RGS22: variants seen among roughly 807,000 people sequenced by gnomAD.
RGS22 encodes the protein regulator of G protein signaling 22, also known as regulator of G-protein signaling 22.
RGS22 carries 148 observed loss-of-function variants against 172.9 expected under a neutral mutation model. The observed-to-expected ratio is 0.86, with a 90% CI of 0.75 to 0.98. The LOEUF (loss-of-function observed/expected upper bound fraction) is 0.98, where lower values mean the gene tolerates loss of function less well. Ranked by LOEUF, RGS22 falls within the 50% of genes least tolerant of loss-of-function variation. RGS22 has a pLI of 0.00. For synonymous variants in RGS22, 458 were observed against 480.2 expected (o/e 0.95, Z 0.60); for missense variants, 1,347 against 1,440.8 (o/e 0.93, Z 1.05).
chr8:99,972,983 CAA>C (rs34427659), intron 23 of RGS22, among the ~76,000 whole-genome samples: 18 of 69,794 alleles, frequency 2.6e-4, no homozygotes, highest in African/African-American at 3.7e-4. Flanking sequence ...GACTCCATCT[CAA>C]AAAAAAAAAA....
intron 14 of RGS22, among the ~76,000 whole-genome samples, chr8:100,037,170 T>G (rs764191000): frequency 5.3e-4 from 80 of 152,234 alleles, no homozygotes; most frequent in Non-Finnish European, 1.0e-3. Context: ...TGGTGGTGCA[T>G]GCCTGTAATC....
rs142395292 is a variant in RGS22, at chr8:100,065,149, A to C, written c.724+1018T>G. ...AATTACCAGAGTTCAAATCTCAATG[A>C]ACTGGAAACATTTCATTACAATTTT... On this transcript the variant is annotated intron_variant, in intron 7 of 27. Coordinates refer to ENST00000360863, the MANE Select transcript of RGS22 (RefSeq NM_015668.5). Among the ~76,000 whole-genome samples, 14 of 152,332 alleles carry C rather than the reference A, an allele frequency of 9.2e-5. No individual in the cohort carries two copies. In the East Asian group the frequency reaches 2.7e-3, roughly 29 times the overall value.
chr8:100,030,457 A>G (rs530975044), intron 14 of RGS22, among the ~76,000 whole-genome samples: 3 of 152,348 alleles, frequency 2.0e-5, no homozygotes, highest in African/African-American at 7.2e-5. Flanking sequence ...AGGCATTGTT[A>G]TCACAGGAGA....
intron 15 of RGS22, among the ~76,000 whole-genome samples, 182 bp from the exon 16 acceptor site, chr8:100,006,291 T>G (rs1241539155): frequency 2.0e-5 from 3 of 152,192 alleles, no homozygotes; most frequent in Admixed American, 6.5e-5. Flanking sequence ...CAATAAAAAA[T>G]GCATACATTT....
At chr8:100,069,744 C>T (rs957015591) in intron 6 of RGS22, among the ~76,000 whole-genome samples, 1 of 152,108 alleles carries the variant, frequency 6.6e-6, no homozygotes, top group Non-Finnish European at 1.5e-5. Flanking sequence ...GTTCTTCAAC[C>T]TTGCCTTTGT....
Position 100,047,426 on chromosome 8 carries a change from G to A in RGS22, c.1823+37C>T, listed in dbSNP as rs765723746. On this transcript the variant is annotated intron_variant, in intron 11 of 27. Coordinates refer to ENST00000360863, the MANE Select transcript of RGS22 (RefSeq NM_015668.5). ...TAAATTCTCTAAAACGCTTAGTATTGCAGAAAAGCACTTAACACACAAAAA... is the reference window on the plus strand; with the variant it reads ...TAAATTCTCTAAAACGCTTAGTATTACAGAAAAGCACTTAACACACAAAAA... The A allele has an allele frequency of 4.5e-6, 7 of 1,545,362 alleles. No individual in the cohort carries two copies. In the South Asian group the frequency reaches 7.6e-5, roughly 17 times the overall value.
intron 4 of RGS22, among the ~76,000 whole-genome samples, chr8:100,077,883 T>C (rs1446254641): frequency 6.6e-6 from 1 of 152,256 alleles, no homozygotes; most frequent in Non-Finnish European, 1.5e-5. Context: ...TTTTGCATCA[T>C]GTACTCTGAA....
intron 23 of RGS22, among the ~76,000 whole-genome samples, chr8:99,977,649 A>G (rs1812117067): frequency 6.6e-6 from 1 of 152,196 alleles, no homozygotes; most frequent in Admixed American, 6.5e-5. Context: ...AGCATGTTCT[A>G]CAAGGTGGAG....
chr8:99,991,771 C>T (rs557101962), intron 20 of RGS22, among the ~76,000 whole-genome samples: 3 of 152,206 alleles, frequency 2.0e-5, no homozygotes, highest in South Asian at 4.2e-4. Flanking sequence ...CAGAATACAC[C>T]AGAAAGATAC....
chr8:100,101,543 T>C (rs1813489508), intron 2 of RGS22, among the ~76,000 whole-genome samples: 1 of 150,902 alleles, frequency 6.6e-6, no homozygotes, highest in Non-Finnish European at 1.5e-5. Context: ...TCCGCCCACC[T>C]TGACCTCCCA....
At chr8:100,100,332 G>A (rs1463855350) in intron 2 of RGS22, among the ~76,000 whole-genome samples, 4 of 143,072 alleles carry the variant, frequency 2.8e-5, no homozygotes, top group South Asian at 4.4e-4. Flanking sequence ...TTCTGTCACC[G>A]AGGCTGGAGT....
chr8:100,034,901 C>G (rs904546108), intron 14 of RGS22, among the ~76,000 whole-genome samples: 1 of 152,104 alleles, frequency 6.6e-6, no homozygotes, highest in African/African-American at 2.4e-5. Context: ...ACTGGCTAGC[C>G]ATATGTAAAA....
rs146879340 is a variant in RGS22, at chr8:100,080,437, C to T, written c.118-82G>A. ...TCTAAGAAGACTTGTGGTTTACATACATGCATGCATACCTCACAGAGTTCT... is the reference window on the plus strand; with the variant it reads ...TCTAAGAAGACTTGTGGTTTACATATATGCATGCATACCTCACAGAGTTCT... On this transcript the variant is annotated intron_variant, in intron 3 of 27. Transcript: ENST00000360863. 6.5e-5 allele frequency: 58 copies of T among 889,864 alleles called. No homozygotes were observed. The African/African-American group carries it at 8.4e-4, about 13-fold the overall frequency. 55.1% of individuals were successfully genotyped at this position (889,864 alleles called of 1,614,324 possible). A position where few individuals can be genotyped will look rare whatever the true frequency, so the allele number is the denominator to read the frequency against.
chr8:100,105,801 C>T, intron 1 of RGS22, 96 bp downstream of exon 1: 1 of 1,114,022 alleles, frequency 9.0e-7, no homozygotes. Flanking sequence ...AGCGGGGATA[C>T]CGCTAGGAGG....
At chr8:100,037,858 T>A (rs564479644) in intron 14 of RGS22, among the ~76,000 whole-genome samples, 1 of 152,144 alleles carries the variant, frequency 6.6e-6, no homozygotes, top group South Asian at 2.1e-4. Flanking sequence ...ATTAGAGATA[T>A]AATTTCATGA....
intron 14 of RGS22, among the ~76,000 whole-genome samples, chr8:100,026,348 T>A (rs1257800413): frequency 2.0e-5 from 3 of 152,230 alleles, no homozygotes; most frequent in African/African-American, 7.2e-5. Context: ...AATTCTGCAT[T>A]ACAATTACAT....
intron 14 of RGS22, among the ~76,000 whole-genome samples, chr8:100,018,733 TC>T (rs1817285560): frequency 6.6e-6 from 1 of 152,230 alleles, no homozygotes; most frequent in African/African-American, 2.4e-5. Context: ...TTTATATTTT[TC>T]CAACATTATG....
intron 21 of RGS22, among the ~76,000 whole-genome samples, chr8:99,984,770 A>T (rs1225415973): frequency 2.0e-5 from 3 of 150,112 alleles, no homozygotes; most frequent in Non-Finnish European, 4.4e-5. Flanking sequence ...GGATAAATAA[A>T]TCCTTCCAGT....
At chr8:99,997,713 A>T (rs1814545742) in intron 19 of RGS22, among the ~76,000 whole-genome samples, 2 of 152,208 alleles carry the variant, frequency 1.3e-5, no homozygotes, top group African/African-American at 4.8e-5. Flanking sequence ...TATAAAGATC[A>T]GGTTTGCCTG....
Sources: gnomAD v4.1 joint callset for allele counts (sites outside exome capture counted in the v4.1 genomes callset) on GRCh38, gnomAD v4.1.1 for gene constraint, MANE v1.5 for transcripts, NCBI Gene and HGNC (gene_info 2026-07-23, HGNC 2026-07-21) for gene names.